Variants in MALRD1 observed in about 807,000 individuals in gnomAD.
MALRD1 encodes the protein MAM and LDL-receptor class A domain-containing protein 1.
A neutral mutation model predicts 242.1 loss-of-function variants in MALRD1; 247 were observed. The observed-to-expected ratio is 1.02, with a 90% CI of 0.92 to 1.13. MALRD1 has a LOEUF of 1.13. Among genes scored for constraint, MALRD1 ranks in the 50% most tolerant of loss-of-function variants. The probability of loss-of-function intolerance (pLI) is 0.00; values close to 1 mark genes in which losing one functional copy is unlikely to be tolerated. For synonymous variants in MALRD1, 995 were observed against 866.6 expected, an observed-to-expected ratio of 1.15 and a Z score of -2.60; for missense variants, 2,989 against 2,533.1, an observed-to-expected ratio of 1.18 and a Z score of -3.86.
At chr10:19,352,698 C>T (rs10763959) in intron 26 of MALRD1, among the ~76,000 whole-genome samples, 86,496 of 151,998 alleles carry the variant, frequency 0.57, 24,749 homozygotes, top group Middle Eastern at 0.6. Context: ...TGATATTTGC[C>T]ACCTTCTTCA....
At chr10:19,415,982 A>T (rs372000295) in intron 28 of MALRD1, among the ~76,000 whole-genome samples, 2 of 152,284 alleles carry the variant, frequency 1.3e-5, no homozygotes, top group African/African-American at 4.8e-5. Context: ...GTAGAAACTG[A>T]GTGAGGAAAG....
intron 38 of MALRD1, among the ~76,000 whole-genome samples, chr10:19,723,553 C>A (rs942497133): frequency 1.3e-5 from 2 of 151,898 alleles, no homozygotes; most frequent in African/African-American, 4.8e-5. Flanking sequence ...CCAGACTGGA[C>A]AATATAGCAA....
chr10:19,263,849 A>G (rs1839859977), intron 19 of MALRD1, among the ~76,000 whole-genome samples: 1 of 152,140 alleles, frequency 6.6e-6, no homozygotes, highest in Admixed American at 6.5e-5. Flanking sequence ...TTGTAATATA[A>G]TTTGAAATTG....
intron 21 of MALRD1, among the ~76,000 whole-genome samples, chr10:19,303,029 A>G (rs1465820967): frequency 6.6e-6 from 1 of 151,666 alleles, no homozygotes; most frequent in Non-Finnish European, 1.5e-5. Context: ...ATTGAACCCT[A>G]AAGTAACAAA....
chr10:19,230,620 G>C (rs570669198), intron 18 of MALRD1, among the ~76,000 whole-genome samples: 3 of 152,296 alleles, frequency 2.0e-5, no homozygotes, highest in East Asian at 3.9e-4. Context: ...CATGAGATTT[G>C]AAGGGGACAA....
chr10:19,528,096 C>CT (rs960184749), intron 31 of MALRD1, among the ~76,000 whole-genome samples: 22 of 152,030 alleles, frequency 1.4e-4, no homozygotes, highest in African/African-American at 5.3e-4. Context: ...ACTTAGAAAA[C>CT]TTTTTTTTCT....
At chr10:19,337,052 T>C (rs1843644308) in intron 24 of MALRD1, among the ~76,000 whole-genome samples, 1 of 152,108 alleles carries the variant, frequency 6.6e-6, no homozygotes, top group African/African-American at 2.4e-5. Context: ...GTATATGTAT[T>C]ACACAAAATA....
upstream of MALRD1, among the ~76,000 whole-genome samples, chr10:19,047,342 G>A (rs1322111738): frequency 7.7e-6 from 1 of 130,026 alleles, no homozygotes. Flanking sequence ...TATAAAAGTA[G>A]ATGTGTTAAT....
intron 10 of MALRD1, 41 bp downstream of exon 10, chr10:19,136,822 C>G (rs1833359626): frequency 8.5e-7 from 1 of 1,182,014 alleles, no homozygotes; most frequent in Non-Finnish European, 1.1e-6. Context: ...TGCTCTAATT[C>G]AAGACTGTTA....
chr10:19,409,973 T>C (rs906617727), intron 28 of MALRD1, among the ~76,000 whole-genome samples: 31 of 152,164 alleles, frequency 2.0e-4, no homozygotes, highest in African/African-American at 7.5e-4. Context: ...GTGGTGATCA[T>C]GACATATGTT....
At chr10:19,341,477 T>C (rs111604858) in intron 24 of MALRD1, among the ~76,000 whole-genome samples, 8,711 of 87,392 alleles carry the variant, frequency 0.1, 542 homozygotes, top group African/African-American at 0.24. Flanking sequence ...TATATGTATA[T>C]ATATGTGTAT....
Position 19,686,217 on chromosome 10 carries a change from T to G in MALRD1, c.6138-6065T>G, listed in dbSNP as rs144771349. On this transcript the variant is annotated intron_variant, in intron 36 of 39. Coordinates refer to ENST00000454679, the MANE Select transcript of MALRD1 (RefSeq NM_001142308.3). ...ACTGGAAGAGGGCCAAGAGGGAAAC[T>G]TGAGCGATCAAGAGCACATTTTGAC... 3.7e-3 allele frequency among the ~76,000 whole-genome samples: 557 copies of G among 152,250 alleles called. 6 individuals are homozygous for G. The highest frequency in any genetic ancestry group is 0.013 in the African/African-American group (525 of 41,536).
Position 19,203,810 on chromosome 10 carries a change from T to G in MALRD1, c.2034T>G (p.Ser678=). The G allele has an allele frequency of 6.4e-7, 1 of 1,550,590 alleles. No individual in the cohort carries two copies. The highest frequency in any genetic ancestry group is 8.7e-7 in the Non-Finnish European group (1 of 1,146,954). The change falls in exon 15 of 40, where the codon TCT becomes TCG. Residue 678 remains serine (S), a synonymous_variant. Coordinates refer to ENST00000454679, the MANE Select transcript of MALRD1 (RefSeq NM_001142308.3). ...SGDHFDWIRS[S]QSELSADFEH... The stretch of plus-strand genomic sequence containing the variant: ...ACCATTTTGACTGGATACGGAGCTC[T>G]CAGAGTGAACTTTCTGCTGATTTTG...
rs1834991969 is a variant in MALRD1 at position 19,066,751 on chromosome 10, G to A, written c.232G>A (p.Gly78Ser). Residue 78 changes from glycine (G) to serine (S), a missense_variant, in exon 2 of 40, where the codon GGT (glycine) becomes AGT (serine). By Grantham distance (56) the Gly-to-Ser change is moderately conservative. Transcript: ENST00000454679. ...LNYERCDFEDGLCHMTQDQSL... is the reference protein window; with the variant it reads ...LNYERCDFEDSLCHMTQDQSL... ...TTATGAAAGATGTGATTTTGAGGAT[G>A]GTCTCTGTCATATGACTCAAGATCA... 2 of 1,233,498 alleles carry A rather than the reference G, an allele frequency of 1.6e-6. No homozygotes were observed. The highest frequency in any genetic ancestry group is 2.0e-6 in the Non-Finnish European group (2 of 987,994). 76.4% of individuals were successfully genotyped at this position (1,233,498 alleles called of 1,614,324 possible).
chr10:19,506,302 G>A (rs1326113348), intron 31 of MALRD1, among the ~76,000 whole-genome samples: 1 of 152,184 alleles, frequency 6.6e-6, no homozygotes, highest in Non-Finnish European at 1.5e-5. Context: ...GAAAGAGAAA[G>A]TAGAGGAAAA....
intron 21 of MALRD1, among the ~76,000 whole-genome samples, chr10:19,300,169 G>T (rs1467671894): frequency 6.6e-6 from 1 of 151,904 alleles, no homozygotes; most frequent in Admixed American, 6.6e-5. Flanking sequence ...CCAGGCAGGT[G>T]AAAGATCTTT....
At chr10:19,211,850 G>C (rs563028387) in intron 18 of MALRD1, among the ~76,000 whole-genome samples, 10 of 151,978 alleles carry the variant, frequency 6.6e-5, no homozygotes, top group Non-Finnish European at 1.5e-4. Context: ...ACTGTGATAT[G>C]GTAGATGGAA....
intron 26 of MALRD1, among the ~76,000 whole-genome samples, chr10:19,357,062 A>T (rs562807427): frequency 6.6e-6 from 1 of 151,668 alleles, no homozygotes; most frequent in African/African-American, 2.4e-5. Flanking sequence ...GTGAGCTGAG[A>T]TCTTGCCACT....
chr10:19,411,199 G>A (rs1833263920), intron 28 of MALRD1, among the ~76,000 whole-genome samples: 1 of 152,132 alleles, frequency 6.6e-6, no homozygotes, highest in East Asian at 1.9e-4. Flanking sequence ...AAGCTTTCGA[G>A]AAGATATTGT....
Sources: gnomAD v4.1 joint callset for allele counts (sites outside exome capture counted in the v4.1 genomes callset) on GRCh38, gnomAD v4.1.1 for gene constraint, MANE v1.5 for transcripts, NCBI Gene and HGNC (gene_info 2026-07-23, HGNC 2026-07-21) for gene names.